The following F13A1 variants were observed in gnomAD, a reference collection of about 807,000 sequenced individuals.
F13A1 encodes the protein coagulation factor XIII A chain.
A neutral mutation model predicts 80.1 loss-of-function variants in F13A1; 47 were observed. That is an observed-to-expected ratio of 0.59 (90% confidence interval 0.46 to 0.75). F13A1 has a LOEUF of 0.75. F13A1 is among the 30% of genes least tolerant of loss of function. The pLI, the probability that F13A1 is intolerant of heterozygous loss-of-function variation, is 0.00. For missense variants in F13A1, 817 were observed against 930.4 expected (o/e 0.88, Z 1.59); for synonymous variants, 349 against 344.9 (o/e 1.01, Z -0.13).
chr6:6,206,690 T>A lies in F13A1; in HGVS notation c.1113-9364A>T, dbSNP rs1011764127. On this transcript the variant is annotated intron_variant, in intron 8 of 14. Transcript: ENST00000264870. The stretch of plus-strand genomic sequence containing the variant: ...TTCTTGTTTTTAAGCAAATATTTTT[T>A]ACATTCCTTCATTAGGCTGAAACTA... The A allele has an allele frequency of 1.5e-5, 6 of 401,096 alleles. No homozygotes were observed. In the East Asian group the frequency reaches 4.5e-4, roughly 30 times the overall value. The allele number at this position is 401,096 out of a possible 1,614,324, so 24.8% of individuals were successfully genotyped here.
chr6:6,242,184 A>C (rs904702733), intron 6 of F13A1, among the ~76,000 whole-genome samples: 2 of 152,208 alleles, frequency 1.3e-5, no homozygotes, highest in African/African-American at 4.8e-5. Flanking sequence ...AGTCCATTTC[A>C]TCTCAAAGGT....
chr6:6,153,393 C>G (rs1342087242), intron 13 of F13A1, among the ~76,000 whole-genome samples: 1 of 152,148 alleles, frequency 6.6e-6, no homozygotes, highest in Non-Finnish European at 1.5e-5. Flanking sequence ...ATCACATGTA[C>G]CCCATAAATA....
chr6:6,279,226 C>A (rs1487011959), intron 3 of F13A1, among the ~76,000 whole-genome samples: 5 of 152,172 alleles, frequency 3.3e-5, no homozygotes, highest in Non-Finnish European at 7.4e-5. Flanking sequence ...GTTTCTAGGG[C>A]AGTTTCCAGC....
intron 8 of F13A1, among the ~76,000 whole-genome samples, chr6:6,217,548 G>A (rs1233018556): frequency 8.6e-6 from 1 of 116,524 alleles, no homozygotes. Context: ...GGAGGGGGGA[G>A]GGATAGCACT....
rs761544689 is a variant in F13A1, at chr6:6,145,734, A to G, written c.2084T>C (p.Val695Ala). The change falls in exon 15 of 15, where the codon GTG becomes GCG. Residue 695 changes from valine to alanine, a missense_variant. Transcript: ENST00000264870. ...ATGCCCAGAGACCCAGGGCCGGCACACTTCTTCCCACTGCACGGTGGAGTT... is the reference window on the plus strand; with the variant it reads ...ATGCCCAGAGACCCAGGGCCGGCACGCTTCTTCCCACTGCACGGTGGAGTT... The part of the protein sequence containing the change: ...RPNSTVQWEE[V>A]CRPWVSGHRK... 6.2e-7 allele frequency: 1 copy of G among 1,614,114 alleles called. No homozygotes were observed. Among genetic ancestry groups the G allele is most frequent in the South Asian group, 1.1e-5 (1 of 91,070 alleles).
intron 13 of F13A1, among the ~76,000 whole-genome samples, chr6:6,160,528 G>T (rs565053195): frequency 1.3e-5 from 2 of 151,946 alleles, no homozygotes; most frequent in Admixed American, 6.5e-5. Flanking sequence ...GTAGAAACAG[G>T]GTTTCACCAT....
chr6:6,284,099 A>G (rs1758104048), intron 3 of F13A1, among the ~76,000 whole-genome samples: 1 of 152,224 alleles, frequency 6.6e-6, no homozygotes. Context: ...TAACTTCCAA[A>G]TATGATTACC....
rs139787016 is a variant in F13A1, at chr6:6,227,647, C to T, written c.799-2787G>A. 8.4e-3 allele frequency among the ~76,000 whole-genome samples: 1,280 copies of T among 152,282 alleles called. 7 individuals carry two copies. The highest frequency in any genetic ancestry group is 0.02 in the Middle Eastern group (6 of 294). On this transcript the variant is annotated intron_variant, in intron 6 of 14. Coordinates refer to ENST00000264870, the MANE Select transcript of F13A1 (RefSeq NM_000129.4). Reference sequence around the variant, plus strand: ...TTAGCTTTGAACTCACATTATCATTCCCTTATCACTGAGACATAAAATAGG... The same window carrying T: ...TTAGCTTTGAACTCACATTATCATTTCCTTATCACTGAGACATAAAATAGG...
chr6:6,270,597 A>G (rs1377180278), intron 3 of F13A1, among the ~76,000 whole-genome samples: 1 of 152,190 alleles, frequency 6.6e-6, no homozygotes, highest in Admixed American at 6.5e-5. Flanking sequence ...TACAGATGGG[A>G]AACTGAGGCT....
At chr6:6,312,394 G>C (rs1016637284) in intron 2 of F13A1, among the ~76,000 whole-genome samples, 11 of 148,628 alleles carry the variant, frequency 7.4e-5, no homozygotes, top group African/African-American at 2.5e-4. Flanking sequence ...CTTGGGGGCC[G>C]GGCGCGGTGG....
intron 4 of F13A1, among the ~76,000 whole-genome samples, chr6:6,259,316 G>A (rs921473034): frequency 6.6e-6 from 1 of 152,054 alleles, no homozygotes; most frequent in African/African-American, 2.4e-5. Context: ...TATGAAAGGG[G>A]CTAAAAAGAC....
chr6:6,262,695 T>G (rs964911775), intron 4 of F13A1, among the ~76,000 whole-genome samples: 11 of 151,320 alleles, frequency 7.3e-5, no homozygotes, highest in African/African-American at 2.7e-4. Flanking sequence ...TGACTTTGCT[T>G]TACACTTCAC....
intron 4 of F13A1, among the ~76,000 whole-genome samples, chr6:6,257,241 T>G (rs1757715033): frequency 6.6e-6 from 1 of 152,044 alleles, no homozygotes; most frequent in South Asian, 2.1e-4. Context: ...ACAAAGTACA[T>G]CAAAAGGGGT....
intron 8 of F13A1, among the ~76,000 whole-genome samples, chr6:6,217,311 T>A (rs28557308): frequency 2.1e-4 from 32 of 152,074 alleles, no homozygotes; most frequent in Admixed American, 8.5e-4. Context: ...GGATTAAGAA[T>A]ATGTGGCACA....
intron 14 of F13A1, among the ~76,000 whole-genome samples, chr6:6,146,447 G>A (rs989070381): frequency 1.4e-4 from 22 of 152,130 alleles, no homozygotes; most frequent in African/African-American, 5.1e-4. Flanking sequence ...CATGGTTCTA[G>A]TGTTCTCCTC....
chr6:6,298,952 A>G (rs1262444488), intron 3 of F13A1, among the ~76,000 whole-genome samples: 1 of 148,504 alleles, frequency 6.7e-6, no homozygotes, highest in East Asian at 1.9e-4. Flanking sequence ...TGGTGGTGAC[A>G]AAATCTCTTA....
At chr6:6,210,227 AAATAAT>A (rs917071735) in intron 8 of F13A1, among the ~76,000 whole-genome samples, 13 of 150,156 alleles carry the variant, frequency 8.7e-5, no homozygotes, top group South Asian at 2.1e-4. Flanking sequence ...ACCTGTCTCA[AAATAAT>A]AATAATAATA....
intron 6 of F13A1, among the ~76,000 whole-genome samples, chr6:6,234,840 TAAAGTA>T (rs1757394888): frequency 1.3e-5 from 2 of 152,030 alleles, no homozygotes; most frequent in South Asian, 4.1e-4. Context: ...TCTTTCCTAT[TAAAGTA>T]AAATTCAATA....
chr6:6,183,584 C>G (rs1291690987), intron 10 of F13A1, among the ~76,000 whole-genome samples: 1 of 152,158 alleles, frequency 6.6e-6, no homozygotes. Context: ...CAAAAAGTCT[C>G]ACATAATTCT....
Sources: gnomAD v4.1 joint callset for allele counts (sites outside exome capture counted in the v4.1 genomes callset) on GRCh38, gnomAD v4.1.1 for gene constraint, MANE v1.5 for transcripts, NCBI Gene and HGNC (gene_info 2026-07-23, HGNC 2026-07-21) for gene names.